The following LPP variants were observed in gnomAD, a reference collection of about 807,000 sequenced individuals.
The protein encoded by LPP is LIM domain containing preferred translocation partner in lipoma, also known as lipoma-preferred partner.
Under a neutral mutation model 60.4 loss-of-function variants are expected in LPP, and 38 were observed. That is an observed-to-expected ratio of 0.63 (90% CI 0.49 to 0.83). The LOEUF (loss-of-function observed/expected upper bound fraction) is 0.83. LPP is among the 40% of genes least tolerant of loss of function. The pLI, the probability that LPP is intolerant of heterozygous loss-of-function variation, is 0.00. For missense variants in LPP, 902 were observed against 783.6 expected, an observed-to-expected ratio of 1.15 and a Z score of -1.80; for synonymous variants, 328 against 290.8, an observed-to-expected ratio of 1.13 and a Z score of -1.30.
intron 6 of LPP, among the ~76,000 whole-genome samples, chr3:188,598,043 G>A (rs189283713): frequency 2.0e-5 from 3 of 152,226 alleles, no homozygotes; most frequent in Non-Finnish European, 4.4e-5. Context: ...GCTTCCTAAA[G>A]GAGGCATCAT....
At chr3:188,859,254 A>G (rs1283713913) in intron 9 of LPP, among the ~76,000 whole-genome samples, 1 of 152,158 alleles carries the variant, frequency 6.6e-6, no homozygotes, top group African/African-American at 2.4e-5. Flanking sequence ...ATTAGATATT[A>G]AAGACTCTTG....
intron 3 of LPP, among the ~76,000 whole-genome samples, chr3:188,386,023 T>C (rs1778171582): frequency 6.6e-6 from 1 of 152,156 alleles, no homozygotes. Flanking sequence ...TTTAATTTTA[T>C]CATGATTTGA....
chr3:188,572,344 A>C lies in LPP; in HGVS notation c.430-36817A>C, dbSNP rs1414572389. Among the ~76,000 whole-genome samples, 2 of 152,058 alleles carry C rather than the reference A, an allele frequency of 1.3e-5. No homozygotes were observed. Among genetic ancestry groups the C allele is most frequent in the Admixed American group, 1.3e-4 (2 of 15,240 alleles). ...TTTGTTTCCGGTTTTGTAATAGCTAATGGTGTATTTTATAATCAGTAGCAT... is the reference window on the plus strand; with the variant it reads ...TTTGTTTCCGGTTTTGTAATAGCTACTGGTGTATTTTATAATCAGTAGCAT... On this transcript the variant is annotated intron_variant, in intron 6 of 11. Transcript: ENST00000617246. This position sits in a 1 kb window ranked among gnomAD's most constrained non-coding sequence, Gnocchi z 4.1.
At chr3:188,495,118 T>A (rs1809744070) in intron 5 of LPP, among the ~76,000 whole-genome samples, 2 of 122,912 alleles carry the variant, frequency 1.6e-5, no homozygotes, top group Non-Finnish European at 3.4e-5. Flanking sequence ...TTTATATATT[T>A]ATATTTATAT....
At chr3:188,868,087 C>T (rs760206235) in intron 10 of LPP, among the ~76,000 whole-genome samples, 8 of 152,192 alleles carry the variant, frequency 5.3e-5, no homozygotes, top group Non-Finnish European at 1.5e-5. Context: ...TTGTGCTTCA[C>T]ATTATTGATA....
intron 6 of LPP, among the ~76,000 whole-genome samples, chr3:188,586,558 T>C (rs920514390): frequency 6.6e-6 from 1 of 152,164 alleles, no homozygotes; most frequent in Non-Finnish European, 1.5e-5. Flanking sequence ...TTAGTAATTA[T>C]TAATTGTGTG....
chr3:188,816,453 G>T (rs1752534067), intron 9 of LPP, among the ~76,000 whole-genome samples: 1 of 151,732 alleles, frequency 6.6e-6, no homozygotes, highest in Non-Finnish European at 1.5e-5. Flanking sequence ...CACCTGCCTT[G>T]GCCTCCCAAA....
At chr3:188,670,136 G>C (rs1856677206) in intron 7 of LPP, among the ~76,000 whole-genome samples, 1 of 152,176 alleles carries the variant, frequency 6.6e-6, no homozygotes, top group Non-Finnish European at 1.5e-5. Context: ...ATAGCATTAG[G>C]AGAAATACCT....
intron 3 of LPP, among the ~76,000 whole-genome samples, chr3:188,376,495 A>G (rs1775137411): frequency 6.6e-6 from 1 of 152,096 alleles, no homozygotes. Context: ...TTGTTGGTTT[A>G]AAGTCTGTTT....
rs1269667858 is a variant in LPP at position 188,740,039 on chromosome 3, C to T, written c.1241-20074C>T. Among the ~76,000 whole-genome samples the T allele has an allele frequency of 5.3e-5, 8 of 151,920 alleles. 1 individual carries two copies. Among genetic ancestry groups the T allele is most frequent in the Admixed American group, 4.6e-4 (7 of 15,226 alleles). ...GCCTTTTGTTTCTCAAGAATATGTT[C>T]GCAGAAATCACCAGTAGTGTTATCC... On this transcript the variant is annotated intron_variant, in intron 8 of 11. Coordinates refer to ENST00000617246, the MANE Select transcript of LPP (RefSeq NM_001375462.1).
intron 9 of LPP, among the ~76,000 whole-genome samples, chr3:188,834,859 G>A (rs1383159220): frequency 6.6e-6 from 1 of 152,148 alleles, no homozygotes; most frequent in Non-Finnish European, 1.5e-5. Context: ...ATTTACAGAT[G>A]AATTATGTCC....
intron 2 of LPP, among the ~76,000 whole-genome samples, chr3:188,234,657 C>G (rs1721248145): frequency 6.6e-6 from 1 of 152,194 alleles, no homozygotes; most frequent in Non-Finnish European, 1.5e-5. Flanking sequence ...TACACGTAGG[C>G]TGGCTGTGGG....
At chr3:188,490,760 T>TA in intron 5 of LPP, among the ~76,000 whole-genome samples, 1 of 142,978 alleles carries the variant, frequency 7.0e-6, no homozygotes, top group Admixed American at 7.0e-5. Context: ...AATTTTTTTT[T>TA]TTTTTTTTTT....
chr3:188,657,264 A>ATATATATATATATATATATATG (rs1853471784), intron 7 of LPP, among the ~76,000 whole-genome samples: 1 of 140,312 alleles, frequency 7.1e-6, no homozygotes, highest in Non-Finnish European at 1.5e-5. Flanking sequence ...AGGTGTATAT[A>ATATATATATATATATATATATG]TATATATATA....
chr3:188,763,455 C>T (rs146414809), intron 9 of LPP, among the ~76,000 whole-genome samples: 1 of 152,200 alleles, frequency 6.6e-6, no homozygotes, highest in Non-Finnish European at 1.5e-5. Flanking sequence ...AGGGAAAATG[C>T]ACCAGTAATG....
At chr3:188,647,478 C>G (rs1851327523) in intron 7 of LPP, among the ~76,000 whole-genome samples, 1 of 152,134 alleles carries the variant, frequency 6.6e-6, no homozygotes, top group Non-Finnish European at 1.5e-5. Flanking sequence ...TTTTGTTTGA[C>G]TTAGCGTGTT....
intron 2 of LPP, among the ~76,000 whole-genome samples, chr3:188,292,467 G>A (rs1746328979): frequency 6.6e-6 from 1 of 152,160 alleles, no homozygotes; most frequent in African/African-American, 2.4e-5. Context: ...GCCTTTATCT[G>A]GAAGACTGGA....
chr3:188,167,984 ATTGT>A (rs1474828070), intron 1 of LPP, among the ~76,000 whole-genome samples: 1 of 152,110 alleles, frequency 6.6e-6, no homozygotes, highest in Non-Finnish European at 1.5e-5. Flanking sequence ...GTAGTGGTTT[ATTGT>A]TTGTGTTTCT....
intron 2 of LPP, among the ~76,000 whole-genome samples, chr3:188,240,632 T>C (rs1724125248): frequency 6.6e-6 from 1 of 152,142 alleles, no homozygotes; most frequent in African/African-American, 2.4e-5. Context: ...GTAGAAACTT[T>C]CATATAAAAA....
Sources: allele counts gnomAD v4.1 joint callset (sites outside exome capture counted in the v4.1 genomes callset), GRCh38; gene constraint gnomAD v4.1.1; non-coding constraint Gnocchi (gnomAD v3.1); transcripts MANE v1.5; gene names NCBI Gene and HGNC (gene_info 2026-07-23, HGNC 2026-07-21).